EPB41L4B: variants seen among roughly 807,000 people sequenced by gnomAD.
The protein encoded by EPB41L4B is erythrocyte membrane protein band 4.1 like 4B.
A neutral mutation model predicts 112.5 loss-of-function variants in EPB41L4B; 30 were observed. That is an observed-to-expected ratio of 0.27 (90% confidence interval 0.20 to 0.36). The LOEUF is 0.36. EPB41L4B is among the 10% of genes least tolerant of loss of function. The pLI, the probability that EPB41L4B is intolerant of heterozygous loss-of-function variation, is 1.00. For missense variants in EPB41L4B, 1,024 were observed against 1,133.3 expected (o/e 0.90, Z 1.38); for synonymous variants, 408 against 439.7 (o/e 0.93, Z 0.90).
chr9:109,190,097 G>A (rs892020158), intron 22 of EPB41L4B, among the ~76,000 whole-genome samples: 4 of 152,114 alleles, frequency 2.6e-5, no homozygotes, highest in Non-Finnish European at 1.5e-5. Flanking sequence ...TACCACGCTC[G>A]GCTAGGTTAC....
rs573807379 is a variant in EPB41L4B, at chr9:109,244,434, CTTTTTTTTTTTTT to C, written c.1345-765_1345-753del. ...GAGAAGGAAGGAGGTTGAAGGTTGT[CTTTTTTTTTTTTT>C]TTTTTTTTTTTTTTTTTTTACAGAG... On this transcript the variant is annotated intron_variant, in intron 14 of 25. Transcript: ENST00000374566. Among the ~76,000 whole-genome samples the C allele has an allele frequency of 4.9e-4, 24 of 48,514 alleles. No homozygotes were observed. In the East Asian group the frequency reaches 6.2e-3, roughly 13 times the overall value. The allele number at this position is 48,514 out of a possible 152,430, so 31.8% of individuals were successfully genotyped here.
At chr9:109,182,341 G>A (rs1402790370) in intron 24 of EPB41L4B, among the ~76,000 whole-genome samples, 2 of 152,230 alleles carry the variant, frequency 1.3e-5, no homozygotes, top group African/African-American at 4.8e-5. Context: ...ATTTATATGA[G>A]ATATCCAGAC....
rs77168246 is a variant in EPB41L4B at position 109,277,435 on chromosome 9, C to T, written c.411+2382G>A. Among the ~76,000 whole-genome samples the T allele has an allele frequency of 6.8e-3, 1,028 of 152,098 alleles. 24 individuals are homozygous for T. In the East Asian group the frequency reaches 0.093, roughly 14 times the overall value. ...AGGTGAGGCAACTGCTGGAACAAAGCCTCCGTGGGGACTGGACTAAAGGTC... is the reference window on the plus strand; with the variant it reads ...AGGTGAGGCAACTGCTGGAACAAAGTCTCCGTGGGGACTGGACTAAAGGTC... On this transcript the variant is annotated intron_variant, in intron 2 of 25. Transcript: ENST00000374566.
At chr9:109,218,794 CCA>C (rs1268808592) in intron 15 of EPB41L4B, among the ~76,000 whole-genome samples, 9 of 152,172 alleles carry the variant, frequency 5.9e-5, no homozygotes, top group African/African-American at 2.2e-4. Context: ...AGGAAGACTT[CCA>C]GCCTTTAAGA....
chr9:109,206,388 G>C (rs1269776759), intron 18 of EPB41L4B, among the ~76,000 whole-genome samples: 2 of 152,162 alleles, frequency 1.3e-5, no homozygotes, highest in Non-Finnish European at 2.9e-5. Context: ...TCGCCATGTT[G>C]ACCAGGCTAC....
At chr9:109,306,656 G>C (rs73523021) in intron 1 of EPB41L4B, among the ~76,000 whole-genome samples, 21,118 of 152,048 alleles carry the variant, frequency 0.14, 1,630 homozygotes, top group Middle Eastern at 0.22. Context: ...TCTGGTGAAG[G>C]GGTCCCACCT....
In EPB41L4B at chr9:109,204,399, C is replaced by T. The variant is rs372083436; in HGVS notation, c.1879-669G>A. ...ATATTGAGCAAAGATTTCAAGCCTG[C>T]TGGCTTGGAGGACATGGCATTATTA... On this transcript the variant is annotated intron_variant, in intron 18 of 25. Transcript: ENST00000374566. Among the ~76,000 whole-genome samples, 95 of 152,364 alleles carry T rather than the reference C, an allele frequency of 6.2e-4. 2 individuals carry two copies. The South Asian group carries it at 0.019, about 31-fold the overall frequency.
intron 15 of EPB41L4B, chr9:109,240,100 T>C (rs1435242173): frequency 1.0e-6 from 1 of 984,974 alleles, no homozygotes; most frequent in Non-Finnish European, 1.2e-6. Flanking sequence ...CATTCACAAA[T>C]GAGACTTCTG....
chr9:109,241,608 T>C, intron 15 of EPB41L4B: 2 of 1,607,376 alleles, frequency 1.2e-6, no homozygotes, highest in Non-Finnish European at 1.7e-6. Context: ...AAGACACTTT[T>C]CATGGAATGC....
At chr9:109,244,138 G>C (rs1564289758) in intron 14 of EPB41L4B, among the ~76,000 whole-genome samples, 2 of 152,202 alleles carry the variant, frequency 1.3e-5, no homozygotes, top group Non-Finnish European at 1.5e-5. Flanking sequence ...CACAGACAAG[G>C]ACTGGACAGG....
At chr9:109,234,264 AC>A (rs1229664428) in intron 15 of EPB41L4B, among the ~76,000 whole-genome samples, 1 of 152,196 alleles carries the variant, frequency 6.6e-6, no homozygotes, top group Non-Finnish European at 1.5e-5. Context: ...ATATGCACAT[AC>A]CTTTTAACCT....
At chr9:109,191,751 C>A (rs1255895783) in intron 22 of EPB41L4B, among the ~76,000 whole-genome samples, 1 of 152,140 alleles carries the variant, frequency 6.6e-6, no homozygotes, top group Non-Finnish European at 1.5e-5. Flanking sequence ...CTCAGACCCA[C>A]CAGGCCCTTT....
Position 109,236,203 on chromosome 9 carries a change from C to T in EPB41L4B, c.1409+7415G>A, listed in dbSNP as rs771467997. On this transcript the variant is annotated intron_variant, in intron 15 of 25. Coordinates refer to ENST00000374566, the MANE Select transcript of EPB41L4B (RefSeq NM_019114.5). Reference sequence around the variant, plus strand: ...ACAGCTGGAATTCCCTAGTCCCTTGCTTCTGAAGTGGGAAGGGAGGGCAGA... The same window carrying T: ...ACAGCTGGAATTCCCTAGTCCCTTGTTTCTGAAGTGGGAAGGGAGGGCAGA... 1.6e-4 allele frequency among the ~76,000 whole-genome samples: 24 copies of T among 152,198 alleles called. 1 individual carries two copies. The highest frequency in any genetic ancestry group is 5.9e-5 in the Non-Finnish European group (4 of 68,038).
At chr9:109,282,526 T>C (rs1353073781) in intron 1 of EPB41L4B, among the ~76,000 whole-genome samples, 1 of 152,088 alleles carries the variant, frequency 6.6e-6, no homozygotes, top group Non-Finnish European at 1.5e-5. Context: ...TAATGGGTAG[T>C]AGGTTCTAAG....
chr9:109,304,145 G>A (rs1461758612), intron 1 of EPB41L4B, among the ~76,000 whole-genome samples: 1 of 152,194 alleles, frequency 6.6e-6, no homozygotes, highest in East Asian at 1.9e-4. Flanking sequence ...TAAAGATTTT[G>A]TGAGAATTAA....
intron 19 of EPB41L4B, among the ~76,000 whole-genome samples, chr9:109,202,689 C>A (rs1221149738): frequency 6.6e-6 from 1 of 152,042 alleles, no homozygotes; most frequent in Admixed American, 6.5e-5. Flanking sequence ...GTGGTGGTGG[C>A]CTGGAAGCTT....
At chr9:109,199,999 G>A (rs1171143685) in intron 20 of EPB41L4B, among the ~76,000 whole-genome samples, 2 of 152,198 alleles carry the variant, frequency 1.3e-5, no homozygotes, top group East Asian at 3.8e-4. Flanking sequence ...AAGGTGGATT[G>A]TTCTAAGACA....
intron 15 of EPB41L4B, among the ~76,000 whole-genome samples, chr9:109,238,212 G>C (rs534147151): frequency 3.3e-5 from 5 of 152,306 alleles, no homozygotes; most frequent in South Asian, 4.1e-4. Context: ...TATTAGCGCA[G>C]ATCAATGTCT....
At chr9:109,269,232 A>C (rs1835522080) in intron 2 of EPB41L4B, among the ~76,000 whole-genome samples, 1 of 152,236 alleles carries the variant, frequency 6.6e-6, no homozygotes, top group Non-Finnish European at 1.5e-5. Flanking sequence ...TTTGCCAGGA[A>C]AATGAGCCAC....
Sources: gnomAD v4.1 joint callset for allele counts (sites outside exome capture counted in the v4.1 genomes callset) on GRCh38, gnomAD v4.1.1 for gene constraint, MANE v1.5 for transcripts, NCBI Gene and HGNC (gene_info 2026-07-23, HGNC 2026-07-21) for gene names.